Variants in NDST3 observed in about 807,000 individuals in gnomAD.
NDST3 encodes the protein N-deacetylase and N-sulfotransferase 3, also known as bifunctional heparan sulfate N-deacetylase/N-sulfotransferase 3.
NDST3 carries 58 observed loss-of-function variants against 96.1 expected under a neutral mutation model. That is an observed-to-expected ratio of 0.60 (90% CI 0.49 to 0.75). NDST3 has a LOEUF of 0.75. NDST3 is among the 30% of genes least tolerant of loss of function. The pLI is 0.00. For synonymous variants in NDST3, 333 were observed against 359.7 expected (o/e 0.93, Z 0.84); for missense variants, 788 against 1,034.2 (o/e 0.76, Z 3.27).
intron 2 of NDST3, among the ~76,000 whole-genome samples, chr4:118,104,115 A>G (rs1729976597): frequency 6.6e-6 from 1 of 152,202 alleles, no homozygotes; most frequent in Non-Finnish European, 1.5e-5. Flanking sequence ...CAACTGTATT[A>G]AGGAAAGGGA....
chr4:118,070,619 A>C (rs1029479571), intron 2 of NDST3, among the ~76,000 whole-genome samples: 12 of 149,308 alleles, frequency 8.0e-5, no homozygotes, highest in African/African-American at 3.0e-4. Context: ...TATGTGTTCA[A>C]CCCTCAATTC....
intron 3 of NDST3, among the ~76,000 whole-genome samples, chr4:118,108,767 A>G (rs1319841547): frequency 6.6e-6 from 1 of 152,176 alleles, no homozygotes; most frequent in Non-Finnish European, 1.5e-5. Flanking sequence ...TCACCTACCA[A>G]TTTGAAAATT....
intron 4 of NDST3, among the ~76,000 whole-genome samples, chr4:118,133,480 C>T (rs975691946): frequency 3.6e-4 from 55 of 152,288 alleles, no homozygotes; most frequent in Admixed American, 2.9e-3. Flanking sequence ...GACTGTCTCT[C>T]CAACCCTCCT....
At chr4:118,146,664 G>A (rs1733970808) in intron 6 of NDST3, among the ~76,000 whole-genome samples, 1 of 152,194 alleles carries the variant, frequency 6.6e-6, no homozygotes, top group African/African-American at 2.4e-5. Context: ...ACAAAATAGA[G>A]AATTACAAAG....
intron 6 of NDST3, among the ~76,000 whole-genome samples, chr4:118,200,819 G>A (rs1178827392): frequency 6.6e-6 from 1 of 151,314 alleles, no homozygotes; most frequent in Non-Finnish European, 1.5e-5. Flanking sequence ...TTAAATACAG[G>A]GTACATGTAC....
At chr4:118,135,074 C>G (rs1162677864) in intron 4 of NDST3, among the ~76,000 whole-genome samples, 1 of 152,190 alleles carries the variant, frequency 6.6e-6, no homozygotes, top group Non-Finnish European at 1.5e-5. Context: ...AATCTTAACC[C>G]AAACTTTTCT....
At chr4:118,056,274 CCT>C (rs1553925811) in intron 2 of NDST3, among the ~76,000 whole-genome samples, 1 of 151,172 alleles carries the variant, frequency 6.6e-6, no homozygotes, top group Non-Finnish European at 1.5e-5. Flanking sequence ...TAAATAAATC[CCT>C]GAGTTTTGTA....
At chr4:118,211,302 GAAGT>G (rs145305313) in intron 6 of NDST3, among the ~76,000 whole-genome samples, 70,423 of 151,690 alleles carry the variant, frequency 0.46, 18,014 homozygotes, top group South Asian at 0.58. Flanking sequence ...GTGGGAAAAA[GAAGT>G]AAGATTGCTT....
At chr4:118,110,218 C>G (rs1276774420) in intron 3 of NDST3, among the ~76,000 whole-genome samples, 1 of 152,136 alleles carries the variant, frequency 6.6e-6, no homozygotes, top group African/African-American at 2.4e-5. Flanking sequence ...CCTGTACATT[C>G]TAATTATATT....
At chr4:118,137,143 T>C (rs1733168476) in intron 4 of NDST3, among the ~76,000 whole-genome samples, 1 of 152,202 alleles carries the variant, frequency 6.6e-6, no homozygotes, top group Non-Finnish European at 1.5e-5. Context: ...TGTGAAACTG[T>C]TATTTGGCAT....
intron 8 of NDST3, among the ~76,000 whole-genome samples, chr4:118,228,309 G>A (rs1740040636): frequency 6.6e-6 from 1 of 152,154 alleles, no homozygotes; most frequent in Non-Finnish European, 1.5e-5. Flanking sequence ...TCTCTTCAGT[G>A]AACTCCCAGT....
intron 8 of NDST3, among the ~76,000 whole-genome samples, chr4:118,231,052 A>C (rs1031466694): frequency 3.3e-5 from 5 of 152,038 alleles, no homozygotes; most frequent in African/African-American, 9.7e-5. Context: ...ATACTATTTA[A>C]GGGCGGGGCA....
At chr4:118,046,510 G>A (rs1184329295) in intron 1 of NDST3, among the ~76,000 whole-genome samples, 1 of 152,170 alleles carries the variant, frequency 6.6e-6, no homozygotes, top group East Asian at 1.9e-4. Flanking sequence ...CTTCCAGCCT[G>A]CCAGCCCCTC....
At chr4:118,132,492 G>A (rs554748578) in intron 4 of NDST3, among the ~76,000 whole-genome samples, 17 of 152,240 alleles carry the variant, frequency 1.1e-4, no homozygotes, top group Admixed American at 3.9e-4. Flanking sequence ...CAGAAGGTCC[G>A]GAAATGCTGT....
At chr4:118,116,623 C>T (rs935343832) in intron 4 of NDST3, among the ~76,000 whole-genome samples, 13 of 152,088 alleles carry the variant, frequency 8.5e-5, no homozygotes, top group Non-Finnish European at 1.5e-4. Flanking sequence ...TTTGGGAGGC[C>T]GAGGTGGGCG....
At chr4:118,239,521 C>T (rs17049695) in intron 10 of NDST3, among the ~76,000 whole-genome samples, 5,940 of 152,232 alleles carry the variant, frequency 0.039, 175 homozygotes, top group African/African-American at 0.085. Context: ...TTTGCAACTT[C>T]TACCTTTTCC....
chr4:118,040,536 A>G (rs1002816644), intron 1 of NDST3, among the ~76,000 whole-genome samples: 4 of 152,138 alleles, frequency 2.6e-5, no homozygotes, highest in Middle Eastern at 3.2e-3. Flanking sequence ...AAATGCTCAT[A>G]GCTATCCCTT....
chr4:118,229,225 T>C (rs1377759075), intron 8 of NDST3, among the ~76,000 whole-genome samples: 2 of 152,172 alleles, frequency 1.3e-5, no homozygotes, highest in African/African-American at 4.8e-5. Context: ...TGCTTGAACC[T>C]GGGAGGCAGA....
At chr4:118,181,785 G>T (rs1736625615) in intron 6 of NDST3, among the ~76,000 whole-genome samples, 1 of 151,926 alleles carries the variant, frequency 6.6e-6, no homozygotes, top group South Asian at 2.1e-4. Flanking sequence ...AAAACATTTG[G>T]GTTTGTTACT....
Sources: allele counts gnomAD v4.1 joint callset (sites outside exome capture counted in the v4.1 genomes callset), GRCh38; gene constraint gnomAD v4.1.1; transcripts MANE v1.5; gene names NCBI Gene and HGNC (gene_info 2026-07-23, HGNC 2026-07-21).